EYA2: variants seen among roughly 807,000 people sequenced by gnomAD.
EYA2 encodes the protein protein phosphatase EYA2.
EYA2 carries 31 observed loss-of-function variants against 69.2 expected under a neutral mutation model. The observed-to-expected ratio is 0.45, with a 90% CI of 0.34 to 0.60. EYA2 has a LOEUF of 0.60. Ranked by LOEUF, EYA2 falls within the 20% of genes least tolerant of loss-of-function variation. EYA2 has a pLI of 0.02. For missense variants in EYA2, 622 were observed against 701.2 expected (o/e 0.89, Z 1.28); for synonymous variants, 257 against 279.4 (o/e 0.92, Z 0.80).
chr20:46,994,008 A>G (rs929917568), intron 2 of EYA2, among the ~76,000 whole-genome samples: 2 of 152,228 alleles, frequency 1.3e-5, no homozygotes, highest in African/African-American at 4.8e-5. Flanking sequence ...TTAGCATGCA[A>G]CTTAGTGCCT....
In EYA2 at chr20:47,169,170, CATCAG is replaced by C; in HGVS notation, c.1013_1017del (p.Ser338Ter). Reference sequence around the variant, plus strand: ...GACCAGATCCACGTTGATGACGTCTCATCAGATGACAATGGCCAAGATTTAAGGTG... The same window carrying C: ...GACCAGATCCACGTTGATGACGTCTCATGACAATGGCCAAGATTTAAGGTG... On this transcript the variant is annotated frameshift_variant, in exon 11 of 16. Coordinates refer to ENST00000327619, the MANE Select transcript of EYA2 (RefSeq NM_005244.5). LOFTEE classifies it high-confidence loss of function. 1 of 1,614,030 alleles carries C rather than the reference CATCAG, an allele frequency of 6.2e-7. No individual in the cohort carries two copies. The highest frequency in any genetic ancestry group is 8.5e-7 in the Non-Finnish European group (1 of 1,179,986).
chr20:46,988,612 T>A (rs887612513), intron 1 of EYA2, among the ~76,000 whole-genome samples: 1 of 152,252 alleles, frequency 6.6e-6, no homozygotes, highest in Non-Finnish European at 1.5e-5. Context: ...TGTTACTGGT[T>A]GTAGTTCAGA....
chr20:47,017,435 T>C (rs925852117), intron 5 of EYA2, among the ~76,000 whole-genome samples: 2 of 152,240 alleles, frequency 1.3e-5, no homozygotes, highest in South Asian at 2.1e-4. Context: ...CCAGCTTTGA[T>C]AGTATTTTTC....
At chr20:46,921,438 TTTTC>T (rs1568667698) in intron 1 of EYA2, among the ~76,000 whole-genome samples, 1 of 152,252 alleles carries the variant, frequency 6.6e-6, no homozygotes, top group Non-Finnish European at 1.5e-5. Context: ...CCTGGTTTTC[TTTTC>T]TTTCTTCTCC....
At chr20:46,947,053 G>T (rs1978501201) in intron 1 of EYA2, among the ~76,000 whole-genome samples, 1 of 152,202 alleles carries the variant, frequency 6.6e-6, no homozygotes, top group Non-Finnish European at 1.5e-5. Flanking sequence ...GCTGAGAAGT[G>T]GCGTCAGAGA....
chr20:47,088,458 A>G (rs765022038), intron 7 of EYA2, among the ~76,000 whole-genome samples: 5 of 152,116 alleles, frequency 3.3e-5, no homozygotes, highest in Non-Finnish European at 7.4e-5. Context: ...TTGTAAATGC[A>G]TAACTCCTCC....
At chr20:46,967,299 G>A (rs140368008) in intron 1 of EYA2, among the ~76,000 whole-genome samples, 3 of 152,322 alleles carry the variant, frequency 2.0e-5, no homozygotes, top group Admixed American at 6.5e-5. Context: ...ACTGCACCTG[G>A]CCCACATCTC....
chr20:47,048,548 T>C (rs73622698), intron 5 of EYA2, among the ~76,000 whole-genome samples: 25,525 of 152,134 alleles, frequency 0.17, 2,375 homozygotes, highest in African/African-American at 0.24. Flanking sequence ...CCAGCGTGGC[T>C]AACATGGTGA....
rs770033218 is a variant in EYA2 at position 47,179,883 on chromosome 20, C to T, written c.1284C>T (p.Ser428=). The stretch of plus-strand genomic sequence containing the variant: ...TCACAGACCTCTGGCTGACCCACTC[C>T]CTGAAGGCACTAAACCTCATCAACT... ...EALTDLWLTH[S]LKALNLINSR... is the part of the protein sequence containing the mutation. The change falls in exon 13 of 16, where the codon TCC becomes TCT. Residue 428 remains serine, a synonymous_variant. Coordinates refer to ENST00000327619, the MANE Select transcript of EYA2 (RefSeq NM_005244.5). The T allele has an allele frequency of 2.5e-6, 4 of 1,614,066 alleles. No homozygotes were observed. The highest frequency in any genetic ancestry group is 3.4e-6 in the Non-Finnish European group (4 of 1,179,998).
At chr20:47,172,947 C>T (rs185770610) in intron 12 of EYA2, 80 bp downstream of exon 12, 327 of 1,500,876 alleles carry the variant, frequency 2.2e-4, no homozygotes, top group Admixed American at 1.6e-3. Context: ...CTGTGCCAGG[C>T]GCCAGGCAGA....
At chr20:46,908,678 G>A (rs993825462) in intron 1 of EYA2, among the ~76,000 whole-genome samples, 8 of 152,092 alleles carry the variant, frequency 5.3e-5, no homozygotes, top group African/African-American at 1.9e-4. Context: ...TTCAGGAATG[G>A]TCTCCGTGTT....
chr20:46,918,185 G>A (rs149254696), intron 1 of EYA2, among the ~76,000 whole-genome samples: 3,900 of 151,960 alleles, frequency 0.026, 63 homozygotes, highest in East Asian at 0.083. Flanking sequence ...GCCGGGCGTG[G>A]TGGCAGGTGC....
chr20:47,163,332 G>T (rs2034109948), intron 10 of EYA2, among the ~76,000 whole-genome samples: 1 of 152,100 alleles, frequency 6.6e-6, no homozygotes, highest in Admixed American at 6.6e-5. Flanking sequence ...CGCCCAGCCG[G>T]ATGTATGATT....
At chr20:47,041,269 C>T (rs1300895931) in intron 5 of EYA2, among the ~76,000 whole-genome samples, 1 of 152,192 alleles carries the variant, frequency 6.6e-6, no homozygotes, top group Non-Finnish European at 1.5e-5. Context: ...AGCCTCCCTC[C>T]CCATGCTCTT....
intron 12 of EYA2, among the ~76,000 whole-genome samples, chr20:47,175,819 G>C (rs6124961): frequency 0.41 from 62,276 of 151,998 alleles, 13,325 homozygotes; most frequent in Non-Finnish European, 0.48. Context: ...TCCAGCTAAG[G>C]GTCTGTGGGG....
chr20:46,937,179 G>A (rs1224860630), intron 1 of EYA2, among the ~76,000 whole-genome samples: 1 of 152,138 alleles, frequency 6.6e-6, no homozygotes, highest in Non-Finnish European at 1.5e-5. Context: ...CTGCAGTTAG[G>A]GCATTGGAGT....
intron 1 of EYA2, among the ~76,000 whole-genome samples, chr20:46,972,071 A>G (rs1184219659): frequency 6.6e-6 from 1 of 152,252 alleles, no homozygotes; most frequent in Non-Finnish European, 1.5e-5. Context: ...GGATGTAGGA[A>G]GAGTTTAACA....
chr20:47,178,821 G>GTGGATGGATGGATGT (rs2034475443), intron 12 of EYA2, among the ~76,000 whole-genome samples: 2 of 108,942 alleles, frequency 1.8e-5, no homozygotes, highest in African/African-American at 4.0e-5. Flanking sequence ...GGATGGGTGG[G>GTGGATGGATGGATGT]TGGGTGGATG....
chr20:46,957,379 T>G (rs1206762), intron 1 of EYA2, among the ~76,000 whole-genome samples: 141,457 of 152,258 alleles, frequency 0.93, 66,147 homozygotes, highest in Middle Eastern at 0.98. Flanking sequence ...TTCTTATCAC[T>G]GGAAACTGTA....
Sources: gnomAD v4.1 joint callset for allele counts (sites outside exome capture counted in the v4.1 genomes callset) on GRCh38, gnomAD v4.1.1 for gene constraint, MANE v1.5 for transcripts, NCBI Gene and HGNC (gene_info 2026-07-23, HGNC 2026-07-21) for gene names.